The following CBFA2T2 variants were observed in gnomAD, a reference collection of about 807,000 sequenced individuals.
CBFA2T2 encodes the protein protein CBFA2T2.
Under a neutral mutation model 62.2 loss-of-function variants are expected in CBFA2T2, and 11 were observed. The ratio of observed to expected loss-of-function variants is 0.18; its 90% CI spans 0.11 to 0.29. The LOEUF (loss-of-function observed/expected upper bound fraction) is 0.29. Ranked by LOEUF, CBFA2T2 falls within the 10% of genes least tolerant of loss-of-function variation. The pLI is 1.00. For missense variants in CBFA2T2, 592 were observed against 774.1 expected, an observed-to-expected ratio of 0.76 and a Z score of 2.79; for synonymous variants, 295 against 287.5, an observed-to-expected ratio of 1.03 and a Z score of -0.27.
intron 1 of CBFA2T2, among the ~76,000 whole-genome samples, chr20:33,525,310 T>C (rs549324313): frequency 2.0e-4 from 31 of 152,048 alleles, no homozygotes; most frequent in African/African-American, 7.2e-4. Flanking sequence ...CTCAGCCTCC[T>C]GAGTAGCTGG....
intron 1 of CBFA2T2, among the ~76,000 whole-genome samples, chr20:33,513,347 T>A (rs943540576): frequency 2.6e-5 from 4 of 151,468 alleles, no homozygotes; most frequent in African/African-American, 7.3e-5. Context: ...CGTAATGGGT[T>A]TTTTTGTTTT....
At chr20:33,513,821 A>AG (rs2011551457) in intron 1 of CBFA2T2, among the ~76,000 whole-genome samples, 1 of 150,114 alleles carries the variant, frequency 6.7e-6, no homozygotes, top group Non-Finnish European at 1.5e-5. Context: ...CCCAGGAAAA[A>AG]AAAAAAAAAA....
chr20:33,552,682 G>C (rs551533060), intron 1 of CBFA2T2, among the ~76,000 whole-genome samples: 78 of 152,304 alleles, frequency 5.1e-4, no homozygotes, highest in African/African-American at 1.3e-3. Flanking sequence ...CATTTAGGAA[G>C]TGAGACAAAT....
At chr20:33,557,318 C>T (rs534074325) in intron 1 of CBFA2T2, among the ~76,000 whole-genome samples, 6 of 151,404 alleles carry the variant, frequency 4.0e-5, no homozygotes, top group Non-Finnish European at 7.4e-5. Flanking sequence ...CAGCTGTGTG[C>T]TTATCTTTTA....
intron 1 of CBFA2T2, 67 bp from the exon 2 acceptor site, chr20:33,606,889 T>G (rs2015360786): frequency 2.0e-6 from 3 of 1,517,588 alleles, no homozygotes; most frequent in Non-Finnish European, 2.7e-6. Context: ...TGTTGGTATT[T>G]CAAATTGTTG....
rs538074455 is a variant in CBFA2T2, at chr20:33,537,505, C to T, written c.34+47204C>T. Among the ~76,000 whole-genome samples the T allele has an allele frequency of 5.3e-5, 8 of 152,182 alleles. No homozygotes were observed. The East Asian group carries it at 9.6e-4, about 18-fold the overall frequency. On this transcript the variant is annotated intron_variant, in intron 1 of 10. Coordinates refer to ENST00000342704, the MANE Select transcript of CBFA2T2 (RefSeq NM_001032999.3). ...AGAGAGGAAGAGGGAGACCGTGGGC[C>T]GTGGTGAGAGTGAGAGGGAGAGGGA...
At chr20:33,618,151 G>A (rs576635281) in intron 3 of CBFA2T2, among the ~76,000 whole-genome samples, 39 of 147,490 alleles carry the variant, frequency 2.6e-4, no homozygotes, top group Non-Finnish European at 5.4e-4. Flanking sequence ...GTAGCTTTCT[G>A]TTGGTAGATC....
intron 1 of CBFA2T2, among the ~76,000 whole-genome samples, chr20:33,601,266 T>TTTTG (rs957780538): frequency 6.6e-6 from 1 of 151,790 alleles, no homozygotes; most frequent in African/African-American, 2.4e-5. Flanking sequence ...TGTTGTTGTT[T>TTTTG]TTTGTTTGTT....
intron 3 of CBFA2T2, among the ~76,000 whole-genome samples, chr20:33,617,725 C>T (rs2015763114): frequency 1.3e-5 from 2 of 152,104 alleles, no homozygotes; most frequent in Admixed American, 1.3e-4. Flanking sequence ...CTGTATTGTG[C>T]AAATGTCATA....
chr20:33,632,937 T>G lies in CBFA2T2; in HGVS notation c.1228+3023T>G, dbSNP rs562573885. ...CCACAGCCAGCTAATTTTTGTATTTTTAGTAGAGATGAGGTTTCACCATGT... is the reference window on the plus strand; with the variant it reads ...CCACAGCCAGCTAATTTTTGTATTTGTAGTAGAGATGAGGTTTCACCATGT... On this transcript the variant is annotated intron_variant, in intron 8 of 10. Transcript: ENST00000342704. 2.0e-5 allele frequency among the ~76,000 whole-genome samples: 3 copies of G among 152,050 alleles called. No individual in the cohort carries two copies. In the South Asian group the frequency reaches 6.2e-4, roughly 32 times the overall value.
chr20:33,634,699 A>AAAAT, intron 8 of CBFA2T2, among the ~76,000 whole-genome samples: 1 of 150,120 alleles, frequency 6.7e-6, no homozygotes, highest in South Asian at 2.1e-4. Flanking sequence ...AAAAAAAAGA[A>AAAAT]TCTGAATATA....
At chr20:33,571,482 T>C (rs918300866) in intron 1 of CBFA2T2, among the ~76,000 whole-genome samples, 1 of 152,240 alleles carries the variant, frequency 6.6e-6, no homozygotes, top group Non-Finnish European at 1.5e-5. Context: ...TTTTTTTCTT[T>C]AAGTACAGAA....
At chr20:33,557,002 A>ATTTTT (rs2012917004) in intron 1 of CBFA2T2, among the ~76,000 whole-genome samples, 4 of 59,504 alleles carry the variant, frequency 6.7e-5, no homozygotes, top group African/African-American at 2.5e-4. Context: ...TTGCATGCTT[A>ATTTTT]TCTTTTTTTT....
At chr20:33,634,374 CA>C (rs2016555570) in intron 8 of CBFA2T2, among the ~76,000 whole-genome samples, 1 of 152,000 alleles carries the variant, frequency 6.6e-6, no homozygotes, top group African/African-American at 2.4e-5. Context: ...TTCTGAGACC[CA>C]AAAATCTGAA....
chr20:33,551,115 G>GCAAA (rs1318190564), intron 1 of CBFA2T2, among the ~76,000 whole-genome samples: 3 of 152,058 alleles, frequency 2.0e-5, no homozygotes, highest in Non-Finnish European at 2.9e-5. Flanking sequence ...TCAGTTGGTG[G>GCAAA]TCTCATTTGA....
At chr20:33,616,367 G>A (rs746859202) in intron 3 of CBFA2T2, among the ~76,000 whole-genome samples, 1 of 152,090 alleles carries the variant, frequency 6.6e-6, no homozygotes, top group Admixed American at 6.6e-5. Flanking sequence ...CAAGGTTTCT[G>A]TATTTCTGTA....
At chr20:33,514,913 T>C (rs2146857128) in intron 1 of CBFA2T2, among the ~76,000 whole-genome samples, 1 of 151,722 alleles carries the variant, frequency 6.6e-6, no homozygotes, top group South Asian at 2.1e-4. Flanking sequence ...AGGCTGTTCT[T>C]GAACTCCTAA....
intron 1 of CBFA2T2, among the ~76,000 whole-genome samples, chr20:33,572,718 G>A (rs2062326095): frequency 6.6e-6 from 1 of 152,188 alleles, no homozygotes; most frequent in Admixed American, 6.5e-5. Flanking sequence ...AGAGACAGGA[G>A]ACAGAAGTTC....
At chr20:33,606,821 A>G (rs2015357582) in intron 1 of CBFA2T2, 135 bp from the exon 2 acceptor site, 1 of 755,434 alleles carries the variant, frequency 1.3e-6, no homozygotes, top group Admixed American at 2.4e-5. Flanking sequence ...GGATGTGGAC[A>G]TATCTTTTAG....
Sources: gnomAD v4.1 joint callset for allele counts (sites outside exome capture counted in the v4.1 genomes callset) on GRCh38, gnomAD v4.1.1 for gene constraint, MANE v1.5 for transcripts, NCBI Gene and HGNC (gene_info 2026-07-23, HGNC 2026-07-21) for gene names.